APBA2: variants seen among roughly 807,000 people sequenced by gnomAD.
APBA2 encodes amyloid beta precursor protein binding family A member 2.
In APBA2, 30 loss-of-function variants were observed where a neutral mutation model predicts 75.0. The observed-to-expected ratio is 0.40, with a 90% CI of 0.30 to 0.54. The LOEUF is 0.54. Among genes scored for constraint, APBA2 ranks in the 20% least tolerant of loss-of-function variants. The pLI is 0.49. For missense variants in APBA2, 801 were observed against 1,016.1 expected, an observed-to-expected ratio of 0.79 and a Z score of 2.88; for synonymous variants, 444 against 409.6, an observed-to-expected ratio of 1.08 and a Z score of -1.01.
intron 2 of APBA2, among the ~76,000 whole-genome samples, chr15:28,931,350 G>A (rs568331066): frequency 6.6e-6 from 1 of 152,156 alleles, no homozygotes; most frequent in Non-Finnish European, 1.5e-5. Context: ...GCGGGGGCCT[G>A]GGAATGGGAG....
rs575034293 is a variant in APBA2 at position 28,886,045 on chromosome 15, G to T, written c.-438G>T. Reference sequence around the variant, plus strand: ...AGGCCCGGCAGCCGCAGGCCGGTGCGGGATGCGCCCCGCAGCCGCGCCGCG... The same window carrying T: ...AGGCCCGGCAGCCGCAGGCCGGTGCTGGATGCGCCCCGCAGCCGCGCCGCG... On this transcript the variant is annotated 5_prime_UTR_variant, in exon 1 of 15. Coordinates refer to ENST00000683413, the MANE Select transcript of APBA2 (RefSeq NM_001353788.2). The T allele has an allele frequency of 6.7e-6, 1 of 149,322 alleles. No individual in the cohort carries two copies. The highest frequency in any genetic ancestry group is 2.0e-4 in the East Asian group (1 of 5,100). The allele number at this position is 149,322 out of a possible 1,614,324, so 9.2% of individuals were successfully genotyped here.
In APBA2 at chr15:29,093,131, T is replaced by C. The variant is rs373508458; in HGVS notation, c.1126T>C (p.Tyr376His). 1.9e-5 allele frequency: 31 copies of C among 1,614,130 alleles called. No individual in the cohort carries two copies. Among genetic ancestry groups the C allele is most frequent in the Non-Finnish European group, 5.9e-6 (7 of 1,180,038 alleles). Reference sequence around the variant, plus strand: ...CGACGGGATCATCTTTGCTGCCAATTACCTGGGGTCCACCCAGCTGCTATC... The same window carrying C: ...CGACGGGATCATCTTTGCTGCCAATCACCTGGGGTCCACCCAGCTGCTATC... ...LIDGIIFAAN[Y>H]LGSTQLLSER... The change falls in exon 7 of 15, where the codon TAC becomes CAC. Residue 376 changes from tyrosine to histidine, a missense_variant. Coordinates refer to ENST00000683413, the MANE Select transcript of APBA2 (RefSeq NM_001353788.2).
intron 13 of APBA2, among the ~76,000 whole-genome samples, chr15:29,109,535 C>T (rs181913214): frequency 2.0e-5 from 3 of 152,310 alleles, no homozygotes; most frequent in Admixed American, 6.5e-5. Context: ...CTCTGTGTCT[C>T]GCTGGCACTG....
At chr15:29,059,226 T>C (rs2042031250) in intron 4 of APBA2, among the ~76,000 whole-genome samples, 1 of 152,114 alleles carries the variant, frequency 6.6e-6, no homozygotes, top group African/African-American at 2.4e-5. Context: ...TGTGTGTGTG[T>C]GTGTGTGTGT....
intron 4 of APBA2, among the ~76,000 whole-genome samples, chr15:29,065,136 C>T (rs1231777569): frequency 2.0e-5 from 3 of 152,024 alleles, no homozygotes; most frequent in Non-Finnish European, 2.9e-5. Flanking sequence ...CCCAGGCTGT[C>T]CACGTGCGTC....
At chr15:29,077,315 C>T (rs2042894761) in intron 6 of APBA2, among the ~76,000 whole-genome samples, 1 of 152,140 alleles carries the variant, frequency 6.6e-6, no homozygotes, top group African/African-American at 2.4e-5. Flanking sequence ...GAATGCAGTA[C>T]GTCACTGTGC....
chr15:29,010,282 G>T (rs1188273424), intron 3 of APBA2, among the ~76,000 whole-genome samples: 1 of 152,108 alleles, frequency 6.6e-6, no homozygotes, highest in East Asian at 1.9e-4. Context: ...TTTATGAGAT[G>T]GAGTCTCGCT....
chr15:28,928,422 C>T (rs1191574215), intron 2 of APBA2, among the ~76,000 whole-genome samples: 1 of 152,236 alleles, frequency 6.6e-6, no homozygotes, highest in East Asian at 1.9e-4. Flanking sequence ...GCAGCTCTCC[C>T]AGCTTTCACC....
intron 3 of APBA2, among the ~76,000 whole-genome samples, chr15:29,045,103 C>CTCTCTCTCT (rs57446098): frequency 1.4e-5 from 2 of 140,284 alleles, no homozygotes; most frequent in East Asian, 2.2e-4. Flanking sequence ...CTCTCTCTCT[C>CTCTCTCTCT]GTCTCGCACT....
chr15:29,020,122 C>T lies in APBA2; in HGVS notation c.-41+24316C>T, dbSNP rs138666294. On this transcript the variant is annotated intron_variant, in intron 3 of 14. Transcript: ENST00000683413. ...TTGCTCAGTTTCCCATGGGGTTATTCGTCTTTTTCTTATTGATATCTAGGA... is the reference window on the plus strand; with the variant it reads ...TTGCTCAGTTTCCCATGGGGTTATTTGTCTTTTTCTTATTGATATCTAGGA... Among the ~76,000 whole-genome samples, 292 of 152,150 alleles carry T rather than the reference C, an allele frequency of 1.9e-3. 2 individuals carry two copies. The highest frequency in any genetic ancestry group is 3.4e-3 in the African/African-American group (143 of 41,522).
chr15:29,074,869 C>A, intron 4 of APBA2, 52 bp from the exon 5 acceptor site: 2 of 1,562,466 alleles, frequency 1.3e-6, no homozygotes, highest in Non-Finnish European at 1.8e-6. Flanking sequence ...GGTTTTGCAT[C>A]TTGCATTTCT....
At chr15:28,988,506 C>T (rs1172243051) in intron 2 of APBA2, among the ~76,000 whole-genome samples, 2 of 152,090 alleles carry the variant, frequency 1.3e-5, no homozygotes, top group Admixed American at 6.5e-5. Flanking sequence ...TCAAGTGATC[C>T]GCCTACCTTG....
Position 29,053,941 on chromosome 15 carries a change from A to G in APBA2, c.57A>G (p.Arg19=), listed in dbSNP as rs56312364. 3.1e-6 allele frequency: 5 copies of G among 1,613,874 alleles called. No individual in the cohort carries two copies. In the South Asian group the frequency reaches 5.5e-5, roughly 18 times the overall value. The change falls in exon 4 of 15, where the codon AGA becomes AGG. Residue 19 remains arginine, a synonymous_variant. Transcript: ENST00000683413. ...VGSGMLDHRV[R]PGPVPHSQEP... ...GCGGCATGTTGGACCATAGGGTGAGACCAGGTCCTGTCCCTCACAGCCAGG... is the reference window on the plus strand; with the variant it reads ...GCGGCATGTTGGACCATAGGGTGAGGCCAGGTCCTGTCCCTCACAGCCAGG...
intron 3 of APBA2, among the ~76,000 whole-genome samples, chr15:29,048,791 T>G (rs1182788424): frequency 6.6e-6 from 1 of 151,122 alleles, no homozygotes; most frequent in East Asian, 2.0e-4. Flanking sequence ...ATACAAAAAT[T>G]AGCTGGGCGT....
At chr15:28,913,023 C>T (rs1174179210) in intron 1 of APBA2, among the ~76,000 whole-genome samples, 1 of 152,210 alleles carries the variant, frequency 6.6e-6, no homozygotes, top group Non-Finnish European at 1.5e-5. Context: ...TAGTTATTTT[C>T]ACGCATCTGC....
intron 3 of APBA2, among the ~76,000 whole-genome samples, chr15:29,033,262 C>T (rs1313497568): frequency 6.6e-6 from 1 of 152,220 alleles, no homozygotes; most frequent in Non-Finnish European, 1.5e-5. Context: ...GATGTCCTTT[C>T]TGCACCTGAC....
At chr15:29,075,081 C>G in intron 5 of APBA2, 80 bp downstream of exon 5, 1 of 1,058,566 alleles carries the variant, frequency 9.4e-7, no homozygotes, top group South Asian at 1.3e-5. Context: ...GTGGTCTGCT[C>G]ACTTTGTCCA....
At chr15:28,945,755 C>G (rs1469798308) in intron 2 of APBA2, among the ~76,000 whole-genome samples, 1 of 152,054 alleles carries the variant, frequency 6.6e-6, no homozygotes, top group Non-Finnish European at 1.5e-5. Flanking sequence ...CTCAGGTGAT[C>G]AGCCTACCTC....
chr15:28,978,183 C>T (rs1267391565), intron 2 of APBA2, among the ~76,000 whole-genome samples: 6 of 152,202 alleles, frequency 3.9e-5, no homozygotes, highest in Non-Finnish European at 8.8e-5. Context: ...TGGGCGTTTG[C>T]CAAAGGAAGG....
Sources: allele counts gnomAD v4.1 joint callset (sites outside exome capture counted in the v4.1 genomes callset), GRCh38; gene constraint gnomAD v4.1.1; transcripts MANE v1.5; gene names NCBI Gene and HGNC (gene_info 2026-07-23, HGNC 2026-07-21).